PTPRD: variants seen among roughly 807,000 people sequenced by gnomAD.
The protein encoded by PTPRD is protein tyrosine phosphatase receptor type D.
PTPRD carries 34 observed loss-of-function variants against 214.5 expected under a neutral mutation model. The observed-to-expected ratio is 0.16, with a 90% CI of 0.12 to 0.21. The LOEUF is 0.21. PTPRD is among the 10% of genes least tolerant of loss of function. The pLI is 1.00. For synonymous variants in PTPRD, 1,128 were observed against 845.7 expected, an observed-to-expected ratio of 1.33 and a Z score of -5.79; for missense variants, 2,545 against 2,398.7, an observed-to-expected ratio of 1.06 and a Z score of -1.27.
At chr9:9,550,279 AT>A (rs1418124303) in intron 8 of PTPRD, among the ~76,000 whole-genome samples, 3 of 151,648 alleles carry the variant, frequency 2.0e-5, no homozygotes, top group African/African-American at 7.3e-5. Context: ...TTCCCTACAG[AT>A]TTCAGACTTG....
rs776042694 is a variant in PTPRD, at chr9:8,524,957, C to T, written c.647G>A (p.Arg216His). Residue 216 changes from arginine (R) to histidine (H), a missense_variant, in exon 18 of 46, where the codon CGC becomes CAC. Physicochemically the swap from Arg to His is conservative, Grantham distance 29. Coordinates refer to ENST00000381196, the MANE Select transcript of PTPRD (RefSeq NM_002839.4). The stretch of plus-strand genomic sequence containing the variant: ...ATATAAATTGGCAGGAGCGGAATAG[C>T]GAGTGCCCGCGCTGTTGGTGGCAAC... Reference protein sequence around the residue: ...ECVATNSAGTRYSAPANLYVR... With the variant: ...ECVATNSAGTHYSAPANLYVR... The T allele has an allele frequency of 6.2e-5, 100 of 1,613,478 alleles. No individual in the cohort carries two copies. The highest frequency in any genetic ancestry group is 7.5e-5 in the Non-Finnish European group (89 of 1,179,692).
At chr9:9,107,650 T>C (rs2099800530) in intron 10 of PTPRD, among the ~76,000 whole-genome samples, 2 of 152,166 alleles carry the variant, frequency 1.3e-5, no homozygotes, top group African/African-American at 2.4e-5. Flanking sequence ...TGTTTATATA[T>C]GGACTTACTT....
At chr9:9,705,600 G>A (rs182536019) in intron 7 of PTPRD, among the ~76,000 whole-genome samples, 3 of 152,058 alleles carry the variant, frequency 2.0e-5, no homozygotes. Context: ...TAGTAATAGT[G>A]TATGAGTAAT....
At chr9:10,267,531 G>T (rs1205405997) in intron 3 of PTPRD, among the ~76,000 whole-genome samples, 13 of 152,208 alleles carry the variant, frequency 8.5e-5, no homozygotes, top group Admixed American at 8.5e-4. Context: ...ATATGAGAAA[G>T]AAAGAAAATT....
At chr9:9,263,084 G>A (rs939159359) in intron 9 of PTPRD, among the ~76,000 whole-genome samples, 2 of 151,616 alleles carry the variant, frequency 1.3e-5, no homozygotes, top group African/African-American at 2.4e-5. Flanking sequence ...AATTTATCAT[G>A]AAATATATGT....
chr9:9,767,499 TC>T (rs933514868), intron 5 of PTPRD, among the ~76,000 whole-genome samples: 4 of 152,094 alleles, frequency 2.6e-5, no homozygotes, highest in African/African-American at 9.6e-5. Context: ...TATTATTCTA[TC>T]AGATGCAGTG....
intron 10 of PTPRD, among the ~76,000 whole-genome samples, chr9:9,071,436 C>T (rs919622048): frequency 1.3e-5 from 2 of 152,140 alleles, no homozygotes; most frequent in Admixed American, 1.3e-4. Context: ...TAGGCCTTCT[C>T]TGAAGTTAGA....
intron 3 of PTPRD, among the ~76,000 whole-genome samples, chr9:10,189,115 G>C (rs1272460564): frequency 1.3e-5 from 2 of 152,086 alleles, no homozygotes; most frequent in Non-Finnish European, 2.9e-5. Flanking sequence ...ATGTGCTGCA[G>C]CCTCCCTCTG....
At chr9:10,521,890 C>G (rs779552206) in intron 2 of PTPRD, among the ~76,000 whole-genome samples, 6 of 152,010 alleles carry the variant, frequency 3.9e-5, no homozygotes, top group African/African-American at 1.4e-4. Flanking sequence ...AAATGGGGAA[C>G]CAAAAAATAT....
intron 45 of PTPRD, among the ~76,000 whole-genome samples, chr9:8,319,547 G>A (rs542332728): frequency 5.4e-4 from 82 of 151,858 alleles, no homozygotes; most frequent in African/African-American, 1.8e-3. Context: ...TGAATATAAC[G>A]AATTTTATGA....
At chr9:8,550,464 T>C (rs1160869055) in intron 14 of PTPRD, among the ~76,000 whole-genome samples, 1 of 152,238 alleles carries the variant, frequency 6.6e-6, no homozygotes, top group African/African-American at 2.4e-5. Context: ...TTATTTATTA[T>C]AATTAGTTGC....
intron 4 of PTPRD, among the ~76,000 whole-genome samples, chr9:9,996,600 G>A (rs755119948): frequency 2.0e-5 from 3 of 152,136 alleles, no homozygotes; most frequent in African/African-American, 4.8e-5. Flanking sequence ...AGGAAAATAT[G>A]TAAACTGCCT....
At chr9:9,525,151 G>A (rs563967324) in intron 8 of PTPRD, among the ~76,000 whole-genome samples, 23 of 152,170 alleles carry the variant, frequency 1.5e-4, no homozygotes, top group Non-Finnish European at 2.1e-4. Context: ...GCCACCGCCC[G>A]GTCGGGTAAC....
At chr9:9,354,656 C>A (rs1016220971) in intron 9 of PTPRD, among the ~76,000 whole-genome samples, 2 of 151,760 alleles carry the variant, frequency 1.3e-5, no homozygotes, top group African/African-American at 4.8e-5. Context: ...AGTAAATTAT[C>A]TAATGCATTA....
At chr9:8,604,564 G>C (rs977585541) in intron 14 of PTPRD, among the ~76,000 whole-genome samples, 1 of 152,118 alleles carries the variant, frequency 6.6e-6, no homozygotes, top group African/African-American at 2.4e-5. Flanking sequence ...AGCCACTGGG[G>C]AATGATACCA....
intron 9 of PTPRD, among the ~76,000 whole-genome samples, chr9:9,373,055 C>A (rs970923481): frequency 3.3e-5 from 5 of 152,004 alleles, no homozygotes; most frequent in Admixed American, 6.6e-5. Context: ...TCTTTAATTG[C>A]CACTATCTCT....
chr9:10,126,969 A>G (rs2098825009), intron 3 of PTPRD, among the ~76,000 whole-genome samples: 1 of 136,156 alleles, frequency 7.3e-6, no homozygotes, highest in African/African-American at 3.4e-5. Context: ...TTTTTGGCAG[A>G]AACACTGCAC....
intron 11 of PTPRD, among the ~76,000 whole-genome samples, chr9:8,898,718 C>G (rs967252121): frequency 2.6e-5 from 4 of 152,014 alleles, no homozygotes; most frequent in African/African-American, 9.7e-5. Context: ...TAATTTTTCC[C>G]CCACTGATGA....
Position 8,685,359 on chromosome 9 carries a change from GA to G in PTPRD, c.64+48420del, listed in dbSNP as rs35189571. 6.1e-3 allele frequency among the ~76,000 whole-genome samples: 915 copies of G among 151,120 alleles called. 11 individuals are homozygous for G. The highest frequency in any genetic ancestry group is 0.021 in the African/African-American group (846 of 41,212). On this transcript the variant is annotated intron_variant, in intron 12 of 45. Transcript: ENST00000381196. ...TTACAAATACTGTCAGAATTTTGGG[GA>G]AAAAAAAATCATTTTTGAAGGTTCC...
Sources: gnomAD v4.1 joint callset for allele counts (sites outside exome capture counted in the v4.1 genomes callset) on GRCh38, gnomAD v4.1.1 for gene constraint, MANE v1.5 for transcripts, NCBI Gene and HGNC (gene_info 2026-07-23, HGNC 2026-07-21) for gene names.